DOCK5: variants seen among roughly 807,000 people sequenced by gnomAD.
DOCK5 encodes dedicator of cytokinesis protein 5.
Under a neutral mutation model 251.8 loss-of-function variants are expected in DOCK5, and 142 were observed. The ratio of observed to expected loss-of-function variants is 0.56; its 90% CI spans 0.49 to 0.65. The LOEUF (loss-of-function observed/expected upper bound fraction) is 0.65. Ranked by LOEUF, DOCK5 falls within the 30% of genes least tolerant of loss-of-function variation. The pLI, the probability that DOCK5 is intolerant of heterozygous loss-of-function variation, is 0.00. For missense variants in DOCK5, 2,111 were observed against 2,312.3 expected (o/e 0.91, Z 1.79); for synonymous variants, 842 against 835.5 (o/e 1.01, Z -0.13).
chr8:25,369,977 T>C (rs1288123898), intron 34 of DOCK5, among the ~76,000 whole-genome samples: 1 of 152,202 alleles, frequency 6.6e-6, no homozygotes, highest in Non-Finnish European at 1.5e-5. Flanking sequence ...AACTGCAAAG[T>C]AACAATTTAA....
chr8:25,392,457 G>C (rs749268846), intron 43 of DOCK5, among the ~76,000 whole-genome samples: 7 of 152,108 alleles, frequency 4.6e-5, no homozygotes, highest in Non-Finnish European at 8.8e-5. Flanking sequence ...TAGACAGCCA[G>C]CTGTCATCTC....
At chr8:25,303,707 A>T (rs1479256918) in intron 10 of DOCK5, among the ~76,000 whole-genome samples, 1 of 152,134 alleles carries the variant, frequency 6.6e-6, no homozygotes, top group African/African-American at 2.4e-5. Flanking sequence ...CATCCCTGTA[A>T]TCCCAGCACT....
rs1052871640 is a variant in DOCK5 at position 25,241,685 on chromosome 8, A to G, written c.44-1989A>G. On this transcript the variant is annotated intron_variant, in intron 1 of 51. Transcript: ENST00000276440. Reference sequence around the variant, plus strand: ...CCAAAGGATTATAAAACATGCTACTATAAAGACACATGCACATGTATGTTT... The same window carrying G: ...CCAAAGGATTATAAAACATGCTACTGTAAAGACACATGCACATGTATGTTT... 3.3e-5 allele frequency among the ~76,000 whole-genome samples: 5 copies of G among 152,200 alleles called. No homozygotes were observed. In the South Asian group the frequency reaches 6.2e-4, roughly 19 times the overall value.
chr8:25,259,013 G>C (rs778145487), intron 2 of DOCK5, among the ~76,000 whole-genome samples: 8 of 152,190 alleles, frequency 5.3e-5, no homozygotes, highest in Non-Finnish European at 8.8e-5. Context: ...CAGCTACTCA[G>C]GATGCTGAGG....
At chr8:25,243,839 C>A in intron 2 of DOCK5, 82 bp downstream of exon 2, 1 of 1,296,400 alleles carries the variant, frequency 7.7e-7, no homozygotes, top group Non-Finnish European at 1.1e-6. Flanking sequence ...TTAGAGTAAA[C>A]ATCAACATGC....
intron 1 of DOCK5, among the ~76,000 whole-genome samples, chr8:25,242,695 A>G (rs1001128106): frequency 4.6e-5 from 7 of 152,168 alleles, no homozygotes; most frequent in Admixed American, 1.3e-4. Flanking sequence ...GAGTTAGTCT[A>G]TCATTTTTCA....
In DOCK5 at chr8:25,278,617, C is replaced by T; in HGVS notation, c.273C>T (p.Leu91=). ...IPGELPLVQE[L]TSTLREWAVI... ...GCGAGCTCCCCCTGGTGCAGGAGCT[C>T]ACGTCCACTCTGCGAGAATGGGCTG... The change falls in exon 5 of 52, where the codon CTC becomes CTT. Residue 91 remains leucine, a synonymous_variant. Coordinates refer to ENST00000276440, the MANE Select transcript of DOCK5 (RefSeq NM_024940.8). 6.2e-7 allele frequency: 1 copy of T among 1,613,950 alleles called. No homozygotes were observed. The highest frequency in any genetic ancestry group is 8.5e-7 in the Non-Finnish European group (1 of 1,179,876).
intron 26 of DOCK5, among the ~76,000 whole-genome samples, chr8:25,348,709 G>A (rs144342868): frequency 0.011 from 1,646 of 151,934 alleles, 37 homozygotes; most frequent in African/African-American, 0.037. Flanking sequence ...GTGGTGGTGC[G>A]CACCTGTAAC....
At chr8:25,410,350 T>TA in intron 51 of DOCK5, 148 bp downstream of exon 51, 2 of 670,086 alleles carry the variant, frequency 3.0e-6, no homozygotes, top group Non-Finnish European at 5.1e-6. Context: ...CCACAGGAGA[T>TA]AGAGAAGTTT....
At chr8:25,206,146 T>G (rs777704471) in intron 1 of DOCK5, among the ~76,000 whole-genome samples, 7 of 152,172 alleles carry the variant, frequency 4.6e-5, no homozygotes, top group Non-Finnish European at 1.0e-4. Context: ...GCTGGGGACC[T>G]GGCACAGCGT....
At chr8:25,243,625 A>T in intron 1 of DOCK5, 49 bp from the exon 2 acceptor site, 1 of 1,564,374 alleles carries the variant, frequency 6.4e-7, no homozygotes, top group South Asian at 1.1e-5. Flanking sequence ...CACCGTGCCC[A>T]GCCAAGTGAC....
At chr8:25,345,370 G>T in intron 25 of DOCK5, 105 bp from the exon 26 acceptor site, 1 of 1,505,186 alleles carries the variant, frequency 6.6e-7, no homozygotes, top group East Asian at 2.3e-5. Context: ...GCTGATTGCA[G>T]AGCTTAGAGC....
chr8:25,332,076 AC>A (rs1293191865), intron 18 of DOCK5, among the ~76,000 whole-genome samples, 174 bp from the exon 19 acceptor site: 1 of 152,184 alleles, frequency 6.6e-6, no homozygotes, highest in African/African-American at 2.4e-5. Context: ...ATGAAAGAGG[AC>A]CACAAGGTTT....
chr8:25,278,389 T>C (rs1048997133), intron 4 of DOCK5, among the ~76,000 whole-genome samples, 180 bp from the exon 5 acceptor site: 1 of 152,196 alleles, frequency 6.6e-6, no homozygotes, highest in Non-Finnish European at 1.5e-5. Context: ...AGGACTGTGC[T>C]GCCTTACTCT....
chr8:25,320,601 C>G (rs1405987710), intron 15 of DOCK5, among the ~76,000 whole-genome samples: 1 of 152,130 alleles, frequency 6.6e-6, no homozygotes, highest in Non-Finnish European at 1.5e-5. Context: ...TAATTATTAC[C>G]TTTCCCCCTC....
At chr8:25,199,784 G>A (rs1801836483) in intron 1 of DOCK5, among the ~76,000 whole-genome samples, 1 of 152,154 alleles carries the variant, frequency 6.6e-6, no homozygotes, top group Admixed American at 6.5e-5. Context: ...TTCTCCATCG[G>A]GAGCAAACTC....
chr8:25,294,284 G>A (rs1804565423), intron 6 of DOCK5, among the ~76,000 whole-genome samples: 1 of 152,172 alleles, frequency 6.6e-6, no homozygotes, highest in African/African-American at 2.4e-5. Context: ...GGTGGCCTGT[G>A]GGTCTGGCCG....
intron 9 of DOCK5, 93 bp downstream of exon 9, chr8:25,300,750 T>A: frequency 1.5e-6 from 2 of 1,341,806 alleles, no homozygotes; most frequent in Admixed American, 2.3e-5. Flanking sequence ...AATGAAAAGA[T>A]GAAAGGAAAA....
intron 1 of DOCK5, among the ~76,000 whole-genome samples, chr8:25,221,567 A>G (rs1309824794): frequency 6.6e-6 from 1 of 152,168 alleles, no homozygotes; most frequent in Non-Finnish European, 1.5e-5. Flanking sequence ...TTGGCCTCCC[A>G]AAGTGCTGGG....
Sources: gnomAD v4.1 joint callset for allele counts (sites outside exome capture counted in the v4.1 genomes callset) on GRCh38, gnomAD v4.1.1 for gene constraint, MANE v1.5 for transcripts, NCBI Gene and HGNC (gene_info 2026-07-23, HGNC 2026-07-21) for gene names.